SGCZ: variants seen among roughly 807,000 people sequenced by gnomAD.
SGCZ encodes zeta-sarcoglycan.
SGCZ carries 40 observed loss-of-function variants against 41.3 expected under a neutral mutation model. The observed-to-expected ratio is 0.97, with a 90% CI of 0.75 to 1.26. The LOEUF (loss-of-function observed/expected upper bound fraction) is 1.26. Ranked by LOEUF, SGCZ falls within the 50% of genes most tolerant of loss-of-function variation. SGCZ has a pLI of 0.00. For synonymous variants in SGCZ, 206 were observed against 137.5 expected (o/e 1.50, Z -3.49); for missense variants, 552 against 369.8 (o/e 1.49, Z -4.04).
chr8:14,526,580 A>G (rs1434115700), intron 2 of SGCZ, among the ~76,000 whole-genome samples: 1 of 152,140 alleles, frequency 6.6e-6, no homozygotes, highest in Non-Finnish European at 1.5e-5. Context: ...ATAGGAAATT[A>G]TTTACCTTTG....
intron 3 of SGCZ, among the ~76,000 whole-genome samples, chr8:14,274,025 A>G (rs576069800): frequency 6.6e-6 from 1 of 152,272 alleles, no homozygotes; most frequent in East Asian, 1.9e-4. Context: ...AATAGGCTTC[A>G]GTGTAAAATT....
At chr8:15,025,324 C>T (rs1476083044) in intron 1 of SGCZ, among the ~76,000 whole-genome samples, 3 of 152,130 alleles carry the variant, frequency 2.0e-5, no homozygotes, top group Non-Finnish European at 4.4e-5. Context: ...AAGGGAGACA[C>T]ATGAGTTTCA....
At chr8:15,107,563 C>T (rs1336846557) in intron 1 of SGCZ, among the ~76,000 whole-genome samples, 1 of 152,224 alleles carries the variant, frequency 6.6e-6, no homozygotes, top group Admixed American at 6.5e-5. Context: ...CTAGAATCAG[C>T]ATGAGGCCCT....
At chr8:15,096,603 A>G (rs1403947878) in intron 1 of SGCZ, among the ~76,000 whole-genome samples, 1 of 152,082 alleles carries the variant, frequency 6.6e-6, no homozygotes, top group East Asian at 1.9e-4. Context: ...ATTATATCTT[A>G]TTTCTTCCCA....
rs141998816 is a variant in SGCZ, at chr8:14,139,363, T to C, written c.547+25217A>G. 6.2e-4 allele frequency among the ~76,000 whole-genome samples: 94 copies of C among 151,670 alleles called. 1 individual carries two copies. Among genetic ancestry groups the C allele is most frequent in the African/African-American group, 2.1e-3 (87 of 41,068 alleles). ...AAGATCAGAGCAGAGCTGAAGGAGA[T>C]AGACACACAAAAAACCCTTCAAAAA... On this transcript the variant is annotated intron_variant, in intron 5 of 7. Coordinates refer to ENST00000382080, the MANE Select transcript of SGCZ (RefSeq NM_139167.4).
At chr8:14,383,011 C>A (rs1360449638) in intron 2 of SGCZ, among the ~76,000 whole-genome samples, 1 of 152,170 alleles carries the variant, frequency 6.6e-6, no homozygotes, top group Non-Finnish European at 1.5e-5. Context: ...CATGCCACCA[C>A]TTCACACGCC....
chr8:14,242,188 G>C (rs1164217554), intron 3 of SGCZ, among the ~76,000 whole-genome samples: 1 of 152,172 alleles, frequency 6.6e-6, no homozygotes, highest in Non-Finnish European at 1.5e-5. Context: ...GAAGATATGG[G>C]TGTTTCAGGT....
intron 1 of SGCZ, among the ~76,000 whole-genome samples, chr8:15,177,577 G>A (rs1015459917): frequency 2.0e-5 from 3 of 152,128 alleles, no homozygotes; most frequent in Non-Finnish European, 4.4e-5. Context: ...GCAAAATGTT[G>A]ATAGGCCCAT....
chr8:15,116,987 T>A (rs1345098442), intron 1 of SGCZ, among the ~76,000 whole-genome samples: 1 of 152,252 alleles, frequency 6.6e-6, no homozygotes, highest in African/African-American at 2.4e-5. Context: ...CATCAATCTA[T>A]TCTGAATAAT....
intron 2 of SGCZ, among the ~76,000 whole-genome samples, chr8:14,514,732 C>A (rs1429408422): frequency 6.9e-6 from 1 of 145,274 alleles, no homozygotes; most frequent in Admixed American, 6.9e-5. Flanking sequence ...AACATATTTA[C>A]ATATATGTAA....
intron 1 of SGCZ, among the ~76,000 whole-genome samples, chr8:15,077,697 A>G (rs1004666586): frequency 1.1e-4 from 17 of 152,344 alleles, no homozygotes; most frequent in Admixed American, 1.1e-3. Flanking sequence ...TCTGCTGGGA[A>G]AACTTTCAAA....
intron 5 of SGCZ, among the ~76,000 whole-genome samples, chr8:14,133,712 T>C (rs1803110915): frequency 6.6e-6 from 1 of 152,190 alleles, no homozygotes; most frequent in Non-Finnish European, 1.5e-5. Flanking sequence ...TTTGACTCTT[T>C]TTCTGAGTTT....
At chr8:14,564,811 G>A (rs1165663521) in intron 1 of SGCZ, among the ~76,000 whole-genome samples, 1 of 152,148 alleles carries the variant, frequency 6.6e-6, no homozygotes, top group African/African-American at 2.4e-5. Context: ...TACTAATGTT[G>A]AGAGAGATTG....
chr8:14,221,810 G>A (rs1441507817), intron 4 of SGCZ, among the ~76,000 whole-genome samples: 3 of 151,954 alleles, frequency 2.0e-5, no homozygotes, highest in Non-Finnish European at 2.9e-5. Context: ...GATGGCGTGT[G>A]CCTGTAATCT....
chr8:14,626,683 C>T (rs55868415), intron 1 of SGCZ, among the ~76,000 whole-genome samples: 24,039 of 152,022 alleles, frequency 0.16, 2,153 homozygotes, highest in African/African-American at 0.24. Context: ...AAGATTGGAG[C>T]TTATGCTACC....
intron 2 of SGCZ, among the ~76,000 whole-genome samples, chr8:14,339,519 G>C (rs551208764): frequency 1.3e-5 from 2 of 152,242 alleles, no homozygotes; most frequent in East Asian, 1.9e-4. Flanking sequence ...CATCGTCAAT[G>C]TTTTCTTTTT....
intron 1 of SGCZ, among the ~76,000 whole-genome samples, chr8:14,784,671 G>A (rs1035808750): frequency 1.3e-5 from 2 of 151,456 alleles, no homozygotes; most frequent in African/African-American, 4.8e-5. Flanking sequence ...AAGGCAGGCA[G>A]ATCATCTGAG....
At chr8:14,246,452 G>A (rs906834120) in intron 3 of SGCZ, among the ~76,000 whole-genome samples, 2 of 151,872 alleles carry the variant, frequency 1.3e-5, no homozygotes, top group Admixed American at 1.3e-4. Flanking sequence ...GTTGTGGGGT[G>A]GGGGGAGCGG....
chr8:14,982,829 C>T (rs1198409432), intron 1 of SGCZ, among the ~76,000 whole-genome samples: 1 of 152,018 alleles, frequency 6.6e-6, no homozygotes, highest in Admixed American at 6.6e-5. Context: ...CTTATTTGGC[C>T]CGTCCTACCA....
Sources: allele counts gnomAD v4.1 joint callset (sites outside exome capture counted in the v4.1 genomes callset), GRCh38; gene constraint gnomAD v4.1.1; transcripts MANE v1.5; gene names NCBI Gene and HGNC (gene_info 2026-07-23, HGNC 2026-07-21).